Variants in AUH observed in about 807,000 individuals in gnomAD.
AUH encodes the protein AU RNA binding methylglutaconyl-CoA hydratase.
AUH carries 29 observed loss-of-function variants against 42.3 expected under a neutral mutation model. The observed-to-expected ratio is 0.69, with a 90% CI of 0.51 to 0.93. The LOEUF is 0.93. Ranked by LOEUF, AUH falls within the 40% of genes least tolerant of loss-of-function variation. The probability of loss-of-function intolerance (pLI) is 0.00; values close to 1 mark genes in which losing one functional copy is unlikely to be tolerated. For missense variants in AUH, 452 were observed against 438.1 expected (o/e 1.03, Z -0.28); for synonymous variants, 174 against 166.4 (o/e 1.05, Z -0.35).
intron 3 of AUH, among the ~76,000 whole-genome samples, chr9:91,347,159 C>T (rs910144103): frequency 6.6e-6 from 1 of 152,132 alleles, no homozygotes; most frequent in African/African-American, 2.4e-5. Context: ...ACCTCAGCCC[C>T]CTCAAGTAGC....
intron 6 of AUH, among the ~76,000 whole-genome samples, chr9:91,263,214 C>T (rs914004391): frequency 1.3e-5 from 2 of 152,176 alleles, no homozygotes; most frequent in African/African-American, 4.8e-5. Context: ...ACTTCTATAC[C>T]ATGGTTTACC....
chr9:91,279,203 C>T (rs1041253943), intron 6 of AUH, among the ~76,000 whole-genome samples: 6 of 152,170 alleles, frequency 3.9e-5, no homozygotes, highest in African/African-American at 1.4e-4. Flanking sequence ...AGTGTTAGTC[C>T]TTACAACGTG....
Position 91,214,487 on chromosome 9 carries a change from G to C in AUH, c.943-62C>G. 14 of 1,396,466 alleles carry C rather than the reference G, an allele frequency of 1.0e-5. No homozygotes were observed. In the South Asian group the frequency reaches 1.6e-4, roughly 16 times the overall value. The allele number at this position is 1,396,466 out of a possible 1,614,324, so 86.5% of individuals were successfully genotyped here. ...TAAAACAACTGTAAAAGTTTATCAAGCACTATCTAAGAAAACTACTTAGAA... is the reference window on the plus strand; with the variant it reads ...TAAAACAACTGTAAAAGTTTATCAACCACTATCTAAGAAAACTACTTAGAA... On this transcript the variant is annotated intron_variant, in intron 9 of 9. Transcript: ENST00000375731.
At chr9:91,301,138 C>G (rs1827752319) in intron 4 of AUH, among the ~76,000 whole-genome samples, 1 of 151,974 alleles carries the variant, frequency 6.6e-6, no homozygotes, top group South Asian at 2.1e-4. Context: ...TCCTATGGAG[C>G]TAAAGAAAAG....
intron 1 of AUH, among the ~76,000 whole-genome samples, chr9:91,360,966 C>T (rs1160942789): frequency 6.6e-6 from 1 of 152,190 alleles, no homozygotes; most frequent in Non-Finnish European, 1.5e-5. Flanking sequence ...GATTGTCAGC[C>T]TCCTTCAAAG....
intron 3 of AUH, among the ~76,000 whole-genome samples, chr9:91,354,123 G>A (rs1487250499): frequency 6.6e-6 from 1 of 151,942 alleles, no homozygotes; most frequent in East Asian, 1.9e-4. Flanking sequence ...AGCCAAGATC[G>A]TGGCACTGCA....
chr9:91,239,298 T>C (rs771235513), intron 6 of AUH, among the ~76,000 whole-genome samples: 1 of 152,232 alleles, frequency 6.6e-6, no homozygotes, highest in Non-Finnish European at 1.5e-5. Flanking sequence ...CTGATATGCT[T>C]AGAAGTGATC....
chr9:91,309,322 G>A (rs142860251), intron 4 of AUH, among the ~76,000 whole-genome samples: 1 of 152,016 alleles, frequency 6.6e-6, no homozygotes, highest in African/African-American at 2.4e-5. Context: ...TACACAAACT[G>A]TCTCAAAGAC....
intron 6 of AUH, among the ~76,000 whole-genome samples, chr9:91,242,109 TGCAGG>T (rs1828551713): frequency 6.6e-6 from 1 of 152,206 alleles, no homozygotes; most frequent in Admixed American, 6.5e-5. Context: ...TAAGCTACAT[TGCAGG>T]GCTGCCTCTT....
intron 6 of AUH, among the ~76,000 whole-genome samples, chr9:91,275,881 T>A (rs1357900074): frequency 6.6e-6 from 1 of 152,172 alleles, no homozygotes; most frequent in Non-Finnish European, 1.5e-5. Context: ...GAACATCAAA[T>A]CTCACATCAT....
At chr9:91,235,541 G>GT (rs1246036135) in intron 6 of AUH, among the ~76,000 whole-genome samples, 1 of 152,090 alleles carries the variant, frequency 6.6e-6, no homozygotes, top group East Asian at 1.9e-4. Context: ...AGAGAATAAG[G>GT]TTTACCAATG....
chr9:91,278,522 A>C (rs1228195513), intron 6 of AUH, among the ~76,000 whole-genome samples: 1 of 152,216 alleles, frequency 6.6e-6, no homozygotes, highest in Non-Finnish European at 1.5e-5. Context: ...GTCACTGTTA[A>C]GTCTGATTTC....
intron 6 of AUH, among the ~76,000 whole-genome samples, chr9:91,271,815 G>A (rs1390939048): frequency 6.6e-6 from 1 of 152,104 alleles, no homozygotes; most frequent in South Asian, 2.1e-4. Context: ...TGAGCAGCTG[G>A]TATTACAGGC....
At chr9:91,336,666 A>G (rs1423803113) in intron 3 of AUH, among the ~76,000 whole-genome samples, 1 of 151,146 alleles carries the variant, frequency 6.6e-6, no homozygotes, top group Non-Finnish European at 1.5e-5. Context: ...CCTCCATCAC[A>G]CAGACTCGGT....
At chr9:91,288,318 G>T (rs578226504) in intron 6 of AUH, among the ~76,000 whole-genome samples, 7 of 152,274 alleles carry the variant, frequency 4.6e-5, no homozygotes, top group African/African-American at 1.7e-4. Flanking sequence ...CCTTGCAAAT[G>T]TATTAAAGGA....
intron 6 of AUH, among the ~76,000 whole-genome samples, chr9:91,223,277 A>G (rs1827239448): frequency 6.6e-6 from 1 of 152,222 alleles, no homozygotes; most frequent in African/African-American, 2.4e-5. Context: ...GGATGACATC[A>G]CAAGCCATCT....
chr9:91,361,773 C>T lies in AUH; in HGVS notation c.117G>A (p.Ser39=). 6.5e-7 allele frequency: 1 copy of T among 1,544,350 alleles called. No homozygotes were observed. Residue 39 remains serine, a synonymous_variant, in exon 1 of 10, where the codon TCG becomes TCA. Coordinates refer to ENST00000375731, the MANE Select transcript of AUH (RefSeq NM_001698.3). ...WLCPGLRLPG[S]LAGRRAGPAI... The stretch of plus-strand genomic sequence containing the variant: ...CCGGGCCCGCTCGCCGGCCTGCCAA[C>T]GAGCCGGGCAGCCTCAACCCCGGGC...
chr9:91,252,737 T>C (rs903258439), intron 6 of AUH, among the ~76,000 whole-genome samples: 2 of 152,236 alleles, frequency 1.3e-5, no homozygotes, highest in Non-Finnish European at 2.9e-5. Context: ...ATACATATTT[T>C]GACTACATTA....
chr9:91,333,125 G>A (rs75687708), intron 3 of AUH, among the ~76,000 whole-genome samples: 1,530 of 152,296 alleles, frequency 0.01, 27 homozygotes, highest in African/African-American at 0.035. Context: ...AGAGATGTCC[G>A]ACCTCCCATC....
Sources: gnomAD v4.1 joint callset for allele counts (sites outside exome capture counted in the v4.1 genomes callset) on GRCh38, gnomAD v4.1.1 for gene constraint, MANE v1.5 for transcripts, NCBI Gene and HGNC (gene_info 2026-07-23, HGNC 2026-07-21) for gene names.